ENTREP2: variants seen among roughly 807,000 people sequenced by gnomAD.
The protein encoded by ENTREP2 is endosomal transmembrane epsin interactor 2, also known as protein ENTREP2.
chr15:29,382,104 C>G, the ENTREP2 span, among the ~76,000 whole-genome samples: 1 of 152,036 alleles, frequency 6.6e-6, no homozygotes, highest in Non-Finnish European at 1.5e-5. Context: ...CCACCCTGGT[C>G]CTCGATGTGA....
the ENTREP2 span, chr15:29,151,583 G>A: frequency 1.6e-6 from 1 of 625,676 alleles, no homozygotes; most frequent in Non-Finnish European, 2.9e-6. Context: ...GTGTGCAGAT[G>A]CTTGGTCTTC....
chr15:29,365,186 A>T, the ENTREP2 span, among the ~76,000 whole-genome samples: 1,535 of 151,424 alleles, frequency 0.01, 38 homozygotes, highest in African/African-American at 0.035. Flanking sequence ...TTTCAGATTG[A>T]CTTCTTTCAC....
chr15:29,217,609 AT>A, the ENTREP2 span, among the ~76,000 whole-genome samples: 408 of 151,896 alleles, frequency 2.7e-3, 1 homozygote, highest in African/African-American at 9.3e-3. Context: ...TGAATTTTTT[AT>A]TGTTTTTTCC....
chr15:29,669,886 T>C, the ENTREP2 span, among the ~76,000 whole-genome samples: 1 of 152,174 alleles, frequency 6.6e-6, no homozygotes, highest in African/African-American at 2.4e-5. Flanking sequence ...GCAGTGGCTG[T>C]CTGGAGCAGC....
At chr15:29,375,907 C>T in the ENTREP2 span, 1 of 151,912 alleles carries the variant, frequency 6.6e-6, no homozygotes, top group Non-Finnish European at 1.5e-5. Flanking sequence ...GTGATGGATA[C>T]ACGTTTCTGT....
chr15:29,233,657 A>G, the ENTREP2 span: 14 of 932,992 alleles, frequency 1.5e-5, no homozygotes, highest in Non-Finnish European at 2.5e-5. Context: ...ACTGTAATAA[A>G]GCTATGGATG....
the ENTREP2 span, among the ~76,000 whole-genome samples, chr15:29,460,541 A>G: frequency 3.9e-5 from 6 of 151,914 alleles, no homozygotes; most frequent in Non-Finnish European, 4.4e-5. Context: ...CTGAGGCAGG[A>G]GAATCACTTG....
the ENTREP2 span, among the ~76,000 whole-genome samples, chr15:29,229,569 A>T: frequency 1.3e-5 from 2 of 152,172 alleles, no homozygotes; most frequent in African/African-American, 4.8e-5. Flanking sequence ...TGTCAAAGCA[A>T]TCACGTTGCC....
the ENTREP2 span, among the ~76,000 whole-genome samples, chr15:29,546,053 C>T: frequency 1.3e-5 from 2 of 152,174 alleles, no homozygotes; most frequent in African/African-American, 4.8e-5. Context: ...CCTTCTATCT[C>T]AACAATGAAA....
the ENTREP2 span, among the ~76,000 whole-genome samples, chr15:29,663,005 G>A: frequency 5.9e-5 from 9 of 151,710 alleles, no homozygotes; most frequent in East Asian, 7.9e-4. Context: ...GAGCCACCGC[G>A]CCTGGCCAGG....
the ENTREP2 span, among the ~76,000 whole-genome samples, chr15:29,140,643 C>A: frequency 8.4e-4 from 128 of 152,304 alleles, 1 homozygote; most frequent in African/African-American, 3.1e-3. Context: ...CACCTGGCGC[C>A]TCCCAGTCAC....
the ENTREP2 span, among the ~76,000 whole-genome samples, chr15:29,657,877 T>C: frequency 6.6e-6 from 1 of 152,122 alleles, no homozygotes; most frequent in African/African-American, 2.4e-5. Context: ...TATATACATA[T>C]ATATAATGAA....
chr15:29,133,317 G>T, the ENTREP2 span, among the ~76,000 whole-genome samples: 1 of 152,142 alleles, frequency 6.6e-6, no homozygotes, highest in Non-Finnish European at 1.5e-5. Flanking sequence ...GCAGCAGCAG[G>T]GCTGAGGCTT....
the ENTREP2 span, among the ~76,000 whole-genome samples, chr15:29,369,896 G>A: frequency 6.6e-6 from 1 of 152,154 alleles, no homozygotes; most frequent in Non-Finnish European, 1.5e-5. Context: ...ATAAAATGAG[G>A]TTGCCTCTCA....
chr15:29,120,014 A>C, the ENTREP2 span, among the ~76,000 whole-genome samples: 1 of 152,260 alleles, frequency 6.6e-6, no homozygotes, highest in Admixed American at 6.5e-5. Context: ...GGCCATGTCC[A>C]TGGAGGGGCT....
chr15:29,203,426 G>T, the ENTREP2 span, among the ~76,000 whole-genome samples: 2 of 152,018 alleles, frequency 1.3e-5, no homozygotes, highest in East Asian at 1.9e-4. Context: ...CAACAAAATT[G>T]TTCCTGTTTC....
the ENTREP2 span, among the ~76,000 whole-genome samples, chr15:29,253,828 TCTCA>T: frequency 6.6e-6 from 1 of 152,158 alleles, no homozygotes; most frequent in African/African-American, 2.4e-5. Context: ...ATAGTGCTAG[TCTCA>T]CTCTGTCATT....
At chr15:29,652,641 T>C in the ENTREP2 span, among the ~76,000 whole-genome samples, 2 of 152,114 alleles carry the variant, frequency 1.3e-5, no homozygotes, top group African/African-American at 4.8e-5. Context: ...CACTACTGCA[T>C]TCCCCCCAGG....
the ENTREP2 span, among the ~76,000 whole-genome samples, chr15:29,327,841 T>C: frequency 2.0e-5 from 3 of 152,192 alleles, no homozygotes; most frequent in African/African-American, 7.2e-5. Flanking sequence ...GGAATTTTTA[T>C]CCATTGCTTA....
Sources: allele counts gnomAD v4.1 joint callset (sites outside exome capture counted in the v4.1 genomes callset), GRCh38; gene constraint gnomAD v4.1.1; transcripts MANE v1.5; gene names NCBI Gene and HGNC (gene_info 2026-07-23, HGNC 2026-07-21).